PTPRR: variants seen among roughly 807,000 people sequenced by gnomAD.
The protein encoded by PTPRR is receptor-type tyrosine-protein phosphatase R.
Under a neutral mutation model 77.2 loss-of-function variants are expected in PTPRR, and 38 were observed. The observed-to-expected ratio is 0.49, with a 90% CI of 0.38 to 0.65. The LOEUF (loss-of-function observed/expected upper bound fraction) is 0.65. PTPRR is among the 30% of genes least tolerant of loss of function. The pLI is 0.00. For synonymous variants in PTPRR, 299 were observed against 283.1 expected, an observed-to-expected ratio of 1.06 and a Z score of -0.57; for missense variants, 744 against 799.2, an observed-to-expected ratio of 0.93 and a Z score of 0.83.
intron 2 of PTPRR, among the ~76,000 whole-genome samples, chr12:70,884,871 C>CAAAAAAAAAAAA (rs529547383): frequency 0.013 from 675 of 53,924 alleles, 35 homozygotes; most frequent in African/African-American, 0.031. Flanking sequence ...AACTCTGTCT[C>CAAAAAAAAAAAA]AAAAAAAAAA....
chr12:70,859,381 C>T (rs1042704867), intron 2 of PTPRR, among the ~76,000 whole-genome samples: 1 of 151,940 alleles, frequency 6.6e-6, no homozygotes, highest in African/African-American at 2.4e-5. Flanking sequence ...AATATGTATC[C>T]AGGGTTGACA....
At chr12:70,863,315 A>G (rs1892785088) in intron 2 of PTPRR, among the ~76,000 whole-genome samples, 2 of 152,120 alleles carry the variant, frequency 1.3e-5, no homozygotes, top group Admixed American at 1.3e-4. Flanking sequence ...AGAATAACCA[A>G]TTTACTTTTT....
intron 2 of PTPRR, among the ~76,000 whole-genome samples, chr12:70,852,790 T>C (rs1406153152): frequency 6.6e-6 from 1 of 152,222 alleles, no homozygotes; most frequent in Non-Finnish European, 1.5e-5. Context: ...CTTGCTCATA[T>C]TGAGGACTTT....
intron 2 of PTPRR, among the ~76,000 whole-genome samples, chr12:70,791,491 T>G (rs1449538828): frequency 1.3e-5 from 2 of 152,166 alleles, no homozygotes; most frequent in Non-Finnish European, 2.9e-5. Flanking sequence ...CTTGCTTTAT[T>G]ATTTTTTTCC....
At chr12:70,841,561 C>T (rs1192032711) in intron 2 of PTPRR, among the ~76,000 whole-genome samples, 2 of 151,922 alleles carry the variant, frequency 1.3e-5, no homozygotes, top group Non-Finnish European at 2.9e-5. Flanking sequence ...TGATTGCACA[C>T]AATATGTTTA....
intron 2 of PTPRR, among the ~76,000 whole-genome samples, chr12:70,839,776 C>T (rs983436346): frequency 6.6e-6 from 1 of 152,156 alleles, no homozygotes; most frequent in African/African-American, 2.4e-5. Context: ...AGGTATAGAG[C>T]TTCGCTTCTC....
At chr12:70,794,639 T>C (rs542862914) in intron 2 of PTPRR, among the ~76,000 whole-genome samples, 1 of 152,278 alleles carries the variant, frequency 6.6e-6, no homozygotes, top group African/African-American at 2.4e-5. Flanking sequence ...TTTGGTGGTA[T>C]TTAGTGCAGA....
chr12:70,709,070 C>A (rs1465878873), intron 6 of PTPRR, among the ~76,000 whole-genome samples: 1 of 152,018 alleles, frequency 6.6e-6, no homozygotes, highest in Admixed American at 6.6e-5. Flanking sequence ...ATACACTAAT[C>A]CTCAATAAAA....
intron 4 of PTPRR, among the ~76,000 whole-genome samples, chr12:70,760,672 A>G (rs989658655): frequency 6.6e-6 from 1 of 152,184 alleles, no homozygotes; most frequent in Non-Finnish European, 1.5e-5. Context: ...GTGGTGCTTT[A>G]CGCCTCTCTT....
chr12:70,755,771 T>C (rs1592735874), intron 4 of PTPRR, among the ~76,000 whole-genome samples: 1 of 138,612 alleles, frequency 7.2e-6, no homozygotes, highest in Non-Finnish European at 1.6e-5. Flanking sequence ...GATTGATAAA[T>C]GATTAGAAAC....
chr12:70,896,725 T>C (rs144164858), intron 1 of PTPRR, among the ~76,000 whole-genome samples: 3 of 151,978 alleles, frequency 2.0e-5, no homozygotes, highest in African/African-American at 7.2e-5. Context: ...GGTTTTCTTC[T>C]AGGGTTTTTA....
At position 70,754,209 on chromosome 12, in the gene PTPRR, A is replaced by G; in HGVS notation, c.720T>C (p.Ile240=). The G allele has an allele frequency of 1.2e-6, 2 of 1,613,426 alleles. No individual in the cohort carries two copies. The highest frequency in any genetic ancestry group is 1.7e-6 in the Non-Finnish European group (2 of 1,179,674). Residue 240 remains isoleucine (I), a synonymous_variant, in exon 5 of 14, where the codon ATT becomes ATC. Transcript: ENST00000283228. ...AACTTACCATCAAACACGTTACTAT[A>G]ATAACAAAGATGCTGAGAAAAATGA... ...AVVIFLSIFV[I]IVTCLMILYR... is the part of the protein sequence containing the mutation.
intron 4 of PTPRR, 97 bp downstream of exon 4, chr12:70,761,374 A>G: frequency 2.6e-6 from 3 of 1,158,648 alleles, no homozygotes; most frequent in South Asian, 4.3e-5. Flanking sequence ...AATAACATAC[A>G]ATAAACAACT....
intron 10 of PTPRR, among the ~76,000 whole-genome samples, chr12:70,667,178 G>A (rs894605747): frequency 1.3e-5 from 2 of 151,754 alleles, no homozygotes; most frequent in African/African-American, 2.4e-5. Context: ...GGATAGTCTC[G>A]ATCTCCTGAC....
chr12:70,715,203 G>A (rs1204063785), intron 6 of PTPRR, among the ~76,000 whole-genome samples: 1 of 151,976 alleles, frequency 6.6e-6, no homozygotes, highest in East Asian at 1.9e-4. Flanking sequence ...TAGGTTCTGT[G>A]ATGCCCCACA....
chr12:70,789,353 A>G (rs1399755929), intron 2 of PTPRR, among the ~76,000 whole-genome samples: 5 of 151,914 alleles, frequency 3.3e-5, no homozygotes, highest in African/African-American at 9.7e-5. Context: ...TTCCACCAAA[A>G]TTTTCTTACT....
intron 2 of PTPRR, among the ~76,000 whole-genome samples, chr12:70,823,432 G>C (rs1892056471): frequency 6.6e-6 from 1 of 152,194 alleles, no homozygotes; most frequent in Non-Finnish European, 1.5e-5. Context: ...GTGATTAGAA[G>C]TAAAACTGCC....
At chr12:70,769,723 C>G (rs1260874807) in intron 2 of PTPRR, among the ~76,000 whole-genome samples, 1 of 151,876 alleles carries the variant, frequency 6.6e-6, no homozygotes, top group African/African-American at 2.4e-5. Flanking sequence ...GCCAAAAGAA[C>G]AAAGCTGGAG....
intron 2 of PTPRR, among the ~76,000 whole-genome samples, chr12:70,822,194 T>A (rs1349885017): frequency 6.6e-6 from 1 of 152,114 alleles, no homozygotes; most frequent in Non-Finnish European, 1.5e-5. Flanking sequence ...TAACCTAACA[T>A]GGAGAACAGA....
Sources: gnomAD v4.1 joint callset for allele counts (sites outside exome capture counted in the v4.1 genomes callset) on GRCh38, gnomAD v4.1.1 for gene constraint, MANE v1.5 for transcripts, NCBI Gene and HGNC (gene_info 2026-07-23, HGNC 2026-07-21) for gene names.